Variants in DYM observed in about 807,000 individuals in gnomAD.
The protein encoded by DYM is dyggve-Melchior-Clausen syndrome protein.
In DYM, 78 loss-of-function variants were observed where a neutral mutation model predicts 93.1. That is an observed-to-expected ratio of 0.84 (90% CI 0.70 to 1.01). The LOEUF (loss-of-function observed/expected upper bound fraction) is 1.01. Among genes scored for constraint, DYM ranks in the 50% least tolerant of loss-of-function variants. The pLI is 0.00. For synonymous variants in DYM, 321 were observed against 319.7 expected, an observed-to-expected ratio of 1.00 and a Z score of -0.04; for missense variants, 789 against 845.0, an observed-to-expected ratio of 0.93 and a Z score of 0.82.
intron 14 of DYM, among the ~76,000 whole-genome samples, chr18:49,199,746 C>G (rs952943778): frequency 6.6e-6 from 1 of 152,094 alleles, no homozygotes; most frequent in African/African-American, 2.4e-5. Context: ...AAGACCATTC[C>G]AGCAATTTTT....
At position 49,313,332 on chromosome 18, in the gene DYM, G is replaced by A. The variant is rs533141493; in HGVS notation, c.763+18532C>T. 3.0e-4 allele frequency among the ~76,000 whole-genome samples: 45 copies of A among 151,450 alleles called. No individual in the cohort carries two copies. The South Asian group carries it at 3.1e-3, about 11-fold the overall frequency. On this transcript the variant is annotated intron_variant, in intron 8 of 17. Coordinates refer to ENST00000675505, the MANE Select transcript of DYM (RefSeq NM_001353214.3). ...TACAAAATTAACTGGGCGTGGTGGC[G>A]CACACCTGTAATCCCAGTTACTCAG...
At chr18:49,157,505 A>G (rs1301100250) in intron 15 of DYM, among the ~76,000 whole-genome samples, 1 of 152,200 alleles carries the variant, frequency 6.6e-6, no homozygotes, top group Non-Finnish European at 1.5e-5. Context: ...TGGCCATCAT[A>G]GTACAGAAAA....
chr18:49,227,833 C>A (rs982744139), intron 13 of DYM, among the ~76,000 whole-genome samples: 1 of 152,134 alleles, frequency 6.6e-6, no homozygotes, highest in African/African-American at 2.4e-5. Context: ...ACAAGCTATG[C>A]AGTCTTTTGC....
intron 2 of DYM, among the ~76,000 whole-genome samples, chr18:49,395,757 T>C (rs1182938601): frequency 6.6e-6 from 1 of 152,152 alleles, no homozygotes; most frequent in East Asian, 1.9e-4. Flanking sequence ...ATGGCTATTA[T>C]TAAAAAGACA....
chr18:49,209,149 G>T (rs750699908), intron 14 of DYM, among the ~76,000 whole-genome samples: 1 of 152,164 alleles, frequency 6.6e-6, no homozygotes, highest in Admixed American at 6.5e-5. Context: ...CGGAACATAG[G>T]TGAAATCCTA....
At chr18:49,389,728 T>A (rs1490320493) in intron 3 of DYM, among the ~76,000 whole-genome samples, 1 of 152,088 alleles carries the variant, frequency 6.6e-6, no homozygotes, top group East Asian at 1.9e-4. Flanking sequence ...GGGGTCTTAT[T>A]ATGTTGCCCA....
intron 1 of DYM, among the ~76,000 whole-genome samples, chr18:49,451,148 G>A (rs1489864379): frequency 6.6e-6 from 1 of 152,132 alleles, no homozygotes; most frequent in Non-Finnish European, 1.5e-5. Context: ...ACTATTTACA[G>A]CCTTTAATAA....
chr18:49,190,260 G>C (rs921354599), intron 14 of DYM, among the ~76,000 whole-genome samples: 3 of 152,174 alleles, frequency 2.0e-5, no homozygotes, highest in Non-Finnish European at 4.4e-5. Flanking sequence ...AAATTTTCCT[G>C]CAGCTTTTTA....
chr18:49,144,410 C>T (rs1165706425), intron 15 of DYM, among the ~76,000 whole-genome samples: 1 of 152,090 alleles, frequency 6.6e-6, no homozygotes. Flanking sequence ...GTCACTAATG[C>T]TCAATGCTCG....
chr18:49,156,330 T>G (rs571618636), intron 15 of DYM, among the ~76,000 whole-genome samples: 1 of 152,216 alleles, frequency 6.6e-6, no homozygotes, highest in African/African-American at 2.4e-5. Flanking sequence ...TGTTATCCTG[T>G]GGGAACTTGG....
At chr18:49,308,422 A>C (rs2061396449) in intron 8 of DYM, among the ~76,000 whole-genome samples, 1 of 152,180 alleles carries the variant, frequency 6.6e-6, no homozygotes, top group Non-Finnish European at 1.5e-5. Flanking sequence ...TCCACAGTGA[A>C]TCAACAAAAG....
At chr18:49,220,792 C>T (rs1447536304) in intron 13 of DYM, among the ~76,000 whole-genome samples, 1 of 152,084 alleles carries the variant, frequency 6.6e-6, no homozygotes, top group Admixed American at 6.5e-5. Context: ...GACCTAAAAC[C>T]ATAAAAACCC....
At position 49,272,233 on chromosome 18, in the gene DYM, A is replaced by G. The variant is rs145408029; in HGVS notation, c.1196T>C (p.Ile399Thr). The G allele has an allele frequency of 6.8e-4, 1,093 of 1,604,198 alleles. 1 individual carries two copies. The highest frequency in any genetic ancestry group is 8.4e-4 in the Non-Finnish European group (987 of 1,171,198). ...RNSHHVYMAL[I>T]ILLILTEDDG... Reference sequence around the variant, plus strand: ...ATCTTCCGTAAGGATCAACAATATTATAAGGGCCATATACACATGGTGTGA... The same window carrying G: ...ATCTTCCGTAAGGATCAACAATATTGTAAGGGCCATATACACATGGTGTGA... The change falls in exon 11 of 18, where the codon ATA becomes ACA. Residue 399 changes from isoleucine to threonine, a missense_variant. This residue lies in a region of DYM where 225 missense variants were observed against 303.0 expected (regional missense o/e 0.74). Transcript: ENST00000675505.
chr18:49,109,579 CAG>C (rs1221860955), intron 16 of DYM, among the ~76,000 whole-genome samples: 1 of 152,148 alleles, frequency 6.6e-6, no homozygotes, highest in African/African-American at 2.4e-5. Flanking sequence ...ATTTCTGGGT[CAG>C]AGACGGAGGG....
chr18:49,262,947 C>A (rs907113889), intron 11 of DYM, among the ~76,000 whole-genome samples: 1 of 152,120 alleles, frequency 6.6e-6, no homozygotes, highest in East Asian at 1.9e-4. Flanking sequence ...AATCTCACTA[C>A]ATGAAAGTCA....
rs753962246 is a variant in DYM, at chr18:49,258,418, C to T, written c.1327G>A (p.Val443Ile). The T allele has an allele frequency of 6.2e-7, 1 of 1,613,128 alleles. No individual in the cohort carries two copies. Among genetic ancestry groups the T allele is most frequent in the South Asian group, 1.1e-5 (1 of 91,068 alleles). ...ATGTTGTATTGAATGGTTCTTATTA[C>T]CACCAGGATCAGGAGACTCCCCAAG... ...ISLGSLLILV[V>I]IRTIQYNMTR... The change falls in exon 12 of 18, where the codon GTA becomes ATA. Residue 443 changes from valine (V) to isoleucine (I), a missense_variant. Physicochemically the swap from Val to Ile is conservative, Grantham distance 29 (BLOSUM62 3). Transcript: ENST00000675505.
rs549594363 is a variant in DYM at position 49,097,628 on chromosome 18, G to A, written c.1912-113C>T. The A allele has an allele frequency of 6.6e-4, 648 of 979,628 alleles. 1 individual carries two copies. The highest frequency in any genetic ancestry group is 8.1e-4 in the Non-Finnish European group (518 of 639,220). The allele number at this position is 979,628 out of a possible 1,614,324, so 60.7% of individuals were successfully genotyped here. ...CATGATTCCATTCCTACAGTGACCC[G>A]GCTTTTAATTCACTAGCCCTCCTAA... is the stretch of plus-strand genomic sequence containing the variant. On this transcript the variant is annotated intron_variant, in intron 16 of 17. Transcript: ENST00000675505.
intron 1 of DYM, among the ~76,000 whole-genome samples, chr18:49,459,655 A>C (rs563938742): frequency 6.6e-6 from 1 of 151,860 alleles, no homozygotes; most frequent in Non-Finnish European, 1.5e-5. Context: ...TAATCAGTCT[A>C]TCCTGGGTAC....
At chr18:49,142,733 A>G (rs2084665044) in intron 15 of DYM, among the ~76,000 whole-genome samples, 1 of 152,158 alleles carries the variant, frequency 6.6e-6, no homozygotes, top group African/African-American at 2.4e-5. Context: ...TAAAATTTTC[A>G]AGTTACTTAC....
Sources: allele counts gnomAD v4.1 joint callset (sites outside exome capture counted in the v4.1 genomes callset), GRCh38; gene constraint gnomAD v4.1.1; regional missense constraint gnomAD v4.1.1; transcripts MANE v1.5; gene names NCBI Gene and HGNC (gene_info 2026-07-23, HGNC 2026-07-21).